The following CPQ variants were observed in gnomAD, a reference collection of about 807,000 sequenced individuals.
CPQ encodes the protein Ser-Met dipeptidase.
In CPQ, 37 loss-of-function variants were observed where a neutral mutation model predicts 45.7. The observed-to-expected ratio is 0.81, with a 90% confidence interval of 0.62 to 1.07. The LOEUF (loss-of-function observed/expected upper bound fraction) is 1.07, where lower values mean the gene tolerates loss of function less well. Ranked by LOEUF, CPQ falls within the 50% of genes least tolerant of loss-of-function variation. CPQ has a pLI of 0.00. For synonymous variants in CPQ, 186 were observed against 205.8 expected (o/e 0.90, Z 0.82); for missense variants, 537 against 572.9 (o/e 0.94, Z 0.64).
intron 1 of CPQ, among the ~76,000 whole-genome samples, chr8:96,749,115 A>G (rs1810226912): frequency 6.6e-6 from 1 of 152,172 alleles, no homozygotes; most frequent in African/African-American, 2.4e-5. Flanking sequence ...TCTTGCCTCT[A>G]TGGGTCCTGG....
chr8:96,913,174 G>A (rs572372483), intron 4 of CPQ, among the ~76,000 whole-genome samples: 6 of 152,304 alleles, frequency 3.9e-5, no homozygotes, highest in Non-Finnish European at 5.9e-5. Context: ...CAAAAGCATT[G>A]AGCAAGCAAT....
At chr8:97,097,921 G>A (rs1193218935) in intron 7 of CPQ, among the ~76,000 whole-genome samples, 1 of 152,158 alleles carries the variant, frequency 6.6e-6, no homozygotes, top group Non-Finnish European at 1.5e-5. Context: ...ATGTTACATG[G>A]CCCTAACTAA....
At chr8:96,806,023 T>C (rs1811073948) in intron 2 of CPQ, among the ~76,000 whole-genome samples, 1 of 152,182 alleles carries the variant, frequency 6.6e-6, no homozygotes. Flanking sequence ...AGAGCCCTTT[T>C]AAGCAGAATA....
At chr8:96,923,575 A>G (rs1443050751) in intron 4 of CPQ, among the ~76,000 whole-genome samples, 2 of 152,158 alleles carry the variant, frequency 1.3e-5, no homozygotes, top group Non-Finnish European at 2.9e-5. Context: ...TCATACATCA[A>G]TCCACCTATC....
At chr8:96,825,006 A>G (rs1811358814) in intron 2 of CPQ, among the ~76,000 whole-genome samples, 1 of 152,018 alleles carries the variant, frequency 6.6e-6, no homozygotes, top group South Asian at 2.1e-4. Context: ...GTTATTTGGT[A>G]CCCAGGATCC....
At chr8:96,839,180 G>T (rs973862452) in intron 3 of CPQ, among the ~76,000 whole-genome samples, 1 of 152,002 alleles carries the variant, frequency 6.6e-6, no homozygotes, top group Admixed American at 6.6e-5. Context: ...TGACCAGTTT[G>T]ATTGGACACT....
chr8:96,797,724 C>T (rs959111296), intron 2 of CPQ, among the ~76,000 whole-genome samples: 2 of 151,396 alleles, frequency 1.3e-5, no homozygotes, highest in African/African-American at 4.9e-5. Context: ...TGAGACCAGC[C>T]CGAGCAACGT....
chr8:96,691,939 T>C (rs1809310080), intron 1 of CPQ, among the ~76,000 whole-genome samples: 1 of 152,212 alleles, frequency 6.6e-6, no homozygotes, highest in Non-Finnish European at 1.5e-5. Context: ...AGGTTGAGTG[T>C]ATTTCTTTTG....
chr8:97,005,761 G>A (rs182704752), intron 5 of CPQ, among the ~76,000 whole-genome samples: 1 of 151,982 alleles, frequency 6.6e-6, no homozygotes, highest in Non-Finnish European at 1.5e-5. Flanking sequence ...TCATTGAAAA[G>A]GTTATCAGTT....
chr8:97,037,353 GCT>G (rs1231404694), intron 6 of CPQ, among the ~76,000 whole-genome samples: 1 of 152,154 alleles, frequency 6.6e-6, no homozygotes, highest in Non-Finnish European at 1.5e-5. Flanking sequence ...CTCATGTTGA[GCT>G]CTGGTTATAC....
chr8:97,013,491 A>T (rs1271445261), intron 5 of CPQ, among the ~76,000 whole-genome samples: 1 of 152,208 alleles, frequency 6.6e-6, no homozygotes, highest in Non-Finnish European at 1.5e-5. Flanking sequence ...CATTAATCAT[A>T]ATTAACTGCC....
intron 7 of CPQ, among the ~76,000 whole-genome samples, chr8:97,107,955 T>G (rs1162200446): frequency 6.6e-6 from 1 of 152,022 alleles, no homozygotes; most frequent in Non-Finnish European, 1.5e-5. Flanking sequence ...CTTGAACAGT[T>G]CCTCTACAGC....
At chr8:96,974,343 C>T (rs934999468) in intron 5 of CPQ, among the ~76,000 whole-genome samples, 2 of 152,076 alleles carry the variant, frequency 1.3e-5, no homozygotes, top group African/African-American at 4.8e-5. Flanking sequence ...TATATATGCA[C>T]CTAACACTGG....
chr8:97,003,093 T>C (rs1809313187), intron 5 of CPQ, among the ~76,000 whole-genome samples: 2 of 152,314 alleles, frequency 1.3e-5, no homozygotes, highest in Middle Eastern at 3.4e-3. Flanking sequence ...CCCCTGCTTC[T>C]TTCTGTTTCC....
chr8:96,776,697 T>G (rs575237902), intron 1 of CPQ, among the ~76,000 whole-genome samples: 33 of 152,300 alleles, frequency 2.2e-4, no homozygotes, highest in African/African-American at 5.8e-4. Flanking sequence ...GCTTCCAGAT[T>G]TAAGTAGAAA....
intron 2 of CPQ, among the ~76,000 whole-genome samples, chr8:96,798,999 G>A (rs545664250): frequency 6.6e-6 from 1 of 152,208 alleles, no homozygotes; most frequent in Non-Finnish European, 1.5e-5. Context: ...ATTTAAAAAG[G>A]ATATTTGAAA....
At chr8:96,966,068 A>G in intron 5 of CPQ, 22 bp downstream of exon 5, 2 of 1,535,798 alleles carry the variant, frequency 1.3e-6, no homozygotes, top group Non-Finnish European at 1.8e-6. Context: ...GAAAATTGTT[A>G]ACTAATGTGT....
chr8:96,941,091 A>C (rs1025478701), intron 4 of CPQ, among the ~76,000 whole-genome samples: 7 of 152,156 alleles, frequency 4.6e-5, no homozygotes, highest in Non-Finnish European at 8.8e-5. Flanking sequence ...AGGGGCTTAC[A>C]AAATTGCTTT....
intron 1 of CPQ, among the ~76,000 whole-genome samples, chr8:96,783,191 G>A (rs142414144): frequency 2.0e-5 from 3 of 151,914 alleles, no homozygotes; most frequent in Non-Finnish European, 2.9e-5. Flanking sequence ...TCAAAGCTGC[G>A]TTCACATTTT....
Sources: gnomAD v4.1 joint callset for allele counts (sites outside exome capture counted in the v4.1 genomes callset) on GRCh38, gnomAD v4.1.1 for gene constraint, MANE v1.5 for transcripts, NCBI Gene and HGNC (gene_info 2026-07-23, HGNC 2026-07-21) for gene names.